STAG1: variants seen among roughly 807,000 people sequenced by gnomAD.
STAG1 encodes the protein STAG1 cohesin complex component.
Under a neutral mutation model 170.9 loss-of-function variants are expected in STAG1, and 26 were observed. That is an observed-to-expected ratio of 0.15 (90% CI 0.11 to 0.21). STAG1 has a LOEUF of 0.21. STAG1 is among the 10% of genes least tolerant of loss of function. The pLI is 1.00. For missense variants in STAG1, 964 were observed against 1,509.5 expected (o/e 0.64, Z 5.99); for synonymous variants, 514 against 497.7 (o/e 1.03, Z -0.44).
At chr3:136,503,583 C>T (rs1309307961) in intron 7 of STAG1, among the ~76,000 whole-genome samples, 1 of 152,002 alleles carries the variant, frequency 6.6e-6, no homozygotes, top group Non-Finnish European at 1.5e-5. Context: ...ATAATTTCCC[C>T]TTTTTGCTCC....
chr3:136,673,968 T>G (rs1205621660), intron 1 of STAG1, among the ~76,000 whole-genome samples: 1 of 151,244 alleles, frequency 6.6e-6, no homozygotes, highest in Non-Finnish European at 1.5e-5. Flanking sequence ...CCAGGCGTGG[T>G]GGTGCATGCC....
At position 136,569,420 on chromosome 3, in the gene STAG1, A is replaced by C. The variant is rs1937191889; in HGVS notation, c.298-559T>G. ...AATTCTGTAGCCAATCCAAAAAAAA[A>C]AAAAAACTTTCTAGGAAAATTAGGG... is the stretch of plus-strand genomic sequence containing the variant. On this transcript the variant is annotated intron_variant, in intron 4 of 33. Coordinates refer to ENST00000383202, the MANE Select transcript of STAG1 (RefSeq NM_005862.3). Among the ~76,000 whole-genome samples, 3 of 151,988 alleles carry C rather than the reference A, an allele frequency of 2.0e-5. No homozygotes were observed. The South Asian group carries it at 6.2e-4, about 31-fold the overall frequency.
chr3:136,747,314 C>CTGT (rs1271252855), intron 1 of STAG1, among the ~76,000 whole-genome samples: 1 of 151,044 alleles, frequency 6.6e-6, no homozygotes, highest in Non-Finnish European at 1.5e-5. Flanking sequence ...AGCTGCTAGA[C>CTGT]CAATCACACC....
chr3:136,519,735 T>C (rs1268133335), intron 7 of STAG1, among the ~76,000 whole-genome samples: 2 of 152,054 alleles, frequency 1.3e-5, no homozygotes, highest in African/African-American at 4.8e-5. Context: ...GTTTGAATAA[T>C]AAACAGTATT....
intron 1 of STAG1, among the ~76,000 whole-genome samples, chr3:136,643,402 T>A (rs940949080): frequency 2.0e-5 from 3 of 152,170 alleles, no homozygotes; most frequent in Admixed American, 2.0e-4. Context: ...AGGTGATAAA[T>A]TACTTCAAAA....
chr3:136,530,932 C>T (rs1935336283), intron 6 of STAG1, among the ~76,000 whole-genome samples: 1 of 152,088 alleles, frequency 6.6e-6, no homozygotes, highest in Non-Finnish European at 1.5e-5. Flanking sequence ...ATGGTAAACT[C>T]CGTCTCTACT....
chr3:136,566,822 A>G (rs1937092461), intron 5 of STAG1, among the ~76,000 whole-genome samples: 1 of 152,240 alleles, frequency 6.6e-6, no homozygotes, highest in South Asian at 2.1e-4. Context: ...TAACAGCAAA[A>G]GACTACAAAT....
chr3:136,424,584 T>C (rs2088059334), intron 16 of STAG1, among the ~76,000 whole-genome samples: 1 of 152,012 alleles, frequency 6.6e-6, no homozygotes, highest in South Asian at 2.1e-4. Context: ...CCGCCCACCT[T>C]GGCCTCCCAA....
intron 9 of STAG1, among the ~76,000 whole-genome samples, chr3:136,486,289 C>G (rs1490777981): frequency 6.6e-6 from 1 of 152,146 alleles, no homozygotes; most frequent in Non-Finnish European, 1.5e-5. Context: ...TTAAAAATGT[C>G]TACATCAGTG....
chr3:136,376,897 T>A (rs908633521), intron 23 of STAG1, among the ~76,000 whole-genome samples: 3 of 151,670 alleles, frequency 2.0e-5, no homozygotes, highest in Non-Finnish European at 2.9e-5. Context: ...TTCATGCGAT[T>A]CTCCTGCCTC....
intron 9 of STAG1, among the ~76,000 whole-genome samples, chr3:136,478,591 T>C (rs2089824975): frequency 6.6e-6 from 1 of 152,212 alleles, no homozygotes; most frequent in Admixed American, 6.5e-5. Context: ...TAATCTATCA[T>C]TTTAGCTAAA....
intron 1 of STAG1, among the ~76,000 whole-genome samples, chr3:136,746,856 G>C (rs961705134): frequency 6.6e-6 from 1 of 152,050 alleles, no homozygotes; most frequent in Non-Finnish European, 1.5e-5. Context: ...CAGCACTTTC[G>C]GAGGCCGAGG....
intron 7 of STAG1, among the ~76,000 whole-genome samples, chr3:136,513,246 T>C (rs1432105130): frequency 6.6e-6 from 1 of 152,006 alleles, no homozygotes; most frequent in East Asian, 1.9e-4. Context: ...TCTCAGCTAC[T>C]CAGGAGGCTG....
intron 20 of STAG1, among the ~76,000 whole-genome samples, chr3:136,419,119 G>A (rs1341304440): frequency 3.9e-5 from 6 of 152,146 alleles, no homozygotes; most frequent in Non-Finnish European, 7.3e-5. Context: ...ACTTATGAAT[G>A]TGATAATGGT....
intron 9 of STAG1, among the ~76,000 whole-genome samples, chr3:136,494,512 G>A (rs1932967949): frequency 6.6e-6 from 1 of 152,088 alleles, no homozygotes; most frequent in African/African-American, 2.4e-5. Flanking sequence ...CCTTATGAAA[G>A]TAAATGCACA....
intron 4 of STAG1, among the ~76,000 whole-genome samples, chr3:136,580,415 G>C (rs973993746): frequency 2.0e-5 from 3 of 151,290 alleles, no homozygotes; most frequent in Non-Finnish European, 4.4e-5. Context: ...TTAAAGATTA[G>C]AAGCACTAAA....
intron 32 of STAG1, among the ~76,000 whole-genome samples, chr3:136,338,722 C>T (rs1037527392): frequency 6.6e-6 from 1 of 152,120 alleles, no homozygotes; most frequent in Non-Finnish European, 1.5e-5. Context: ...TAACTTTGGG[C>T]CTACATGCCC....
chr3:136,520,833 A>C (rs149539202), intron 7 of STAG1, among the ~76,000 whole-genome samples: 1 of 152,306 alleles, frequency 6.6e-6, no homozygotes, highest in African/African-American at 2.4e-5. Flanking sequence ...CTTATCTATA[A>C]TAATAATGAG....
intron 4 of STAG1, among the ~76,000 whole-genome samples, chr3:136,572,804 T>C (rs535324237): frequency 5.3e-5 from 8 of 152,268 alleles, no homozygotes; most frequent in South Asian, 2.1e-4. Flanking sequence ...CCCTGATATA[T>C]TGGTTATTCA....
Sources: allele counts gnomAD v4.1 joint callset (sites outside exome capture counted in the v4.1 genomes callset), GRCh38; gene constraint gnomAD v4.1.1; transcripts MANE v1.5; gene names NCBI Gene and HGNC (gene_info 2026-07-23, HGNC 2026-07-21).